OSBPL9: variants seen among roughly 807,000 people sequenced by gnomAD.
OSBPL9 encodes the protein oxysterol-binding protein-related protein 9.
In OSBPL9, 40 loss-of-function variants were observed where a neutral mutation model predicts 106.6. The observed-to-expected ratio is 0.38, with a 90% confidence interval of 0.29 to 0.49. OSBPL9 has a LOEUF of 0.49. OSBPL9 is among the 20% of genes least tolerant of loss of function. The pLI, the probability that OSBPL9 is intolerant of heterozygous loss-of-function variation, is 0.97. For synonymous variants in OSBPL9, 269 were observed against 295.4 expected (o/e 0.91, Z 0.92); for missense variants, 609 against 887.2 (o/e 0.69, Z 3.98).
intron 4 of OSBPL9, among the ~76,000 whole-genome samples, chr1:51,716,786 G>T (rs187053881): frequency 6.6e-6 from 1 of 152,262 alleles, no homozygotes; most frequent in African/African-American, 2.4e-5. Flanking sequence ...AGGGGTATAG[G>T]AGAGGAGACG....
At chr1:51,535,201 G>T in the OSBPL9 span, among the ~76,000 whole-genome samples, 1 of 152,160 alleles carries the variant, frequency 6.6e-6, no homozygotes, top group Non-Finnish European at 1.5e-5. Context: ...TCAAGTGGTG[G>T]TGGCCCAAAT....
intron 1 of OSBPL9, among the ~76,000 whole-genome samples, chr1:51,589,300 G>C (rs1413230764): frequency 6.6e-6 from 1 of 152,050 alleles, no homozygotes; most frequent in Non-Finnish European, 1.5e-5. Context: ...TGTTGCCCAG[G>C]CTGATCTTGA....
At chr1:51,544,182 A>G in the OSBPL9 span, among the ~76,000 whole-genome samples, 1 of 152,140 alleles carries the variant, frequency 6.6e-6, no homozygotes, top group Non-Finnish European at 1.5e-5. Context: ...CTGAGGCTCA[A>G]AGGAGTTTAT....
intron 1 of OSBPL9, among the ~76,000 whole-genome samples, chr1:51,579,486 C>T (rs1020576122): frequency 1.1e-4 from 16 of 152,266 alleles, no homozygotes; most frequent in African/African-American, 3.8e-4. Context: ...CTTTATTCCA[C>T]ATAATCAGAT....
At position 51,711,346 on chromosome 1, in the gene OSBPL9, C is replaced by G. The variant is rs1317556035; in HGVS notation, c.242-2657C>G. ...TGGCCGGGCAGGGGGCTGACCCCCCCACCTCCCTCCCGGACTAGGCGGCTG... is the reference window on the plus strand; with the variant it reads ...TGGCCGGGCAGGGGGCTGACCCCCCGACCTCCCTCCCGGACTAGGCGGCTG... On this transcript the variant is annotated intron_variant, in intron 3 of 23. Coordinates refer to ENST00000428468, the MANE Select transcript of OSBPL9 (RefSeq NM_024586.6). Among the ~76,000 whole-genome samples the G allele has an allele frequency of 7.5e-5, 11 of 146,440 alleles. No homozygotes were observed. In the East Asian group the frequency reaches 2.1e-3, roughly 28 times the overall value.
At chr1:51,648,178 C>G (rs573324233) in intron 1 of OSBPL9, among the ~76,000 whole-genome samples, 1 of 152,296 alleles carries the variant, frequency 6.6e-6, no homozygotes, top group South Asian at 2.1e-4. Context: ...AGGAAGATTG[C>G]TGGCGTTATG....
chr1:51,637,579 G>A (rs1463597312), intron 1 of OSBPL9, among the ~76,000 whole-genome samples: 1 of 152,248 alleles, frequency 6.6e-6, no homozygotes, highest in Non-Finnish European at 1.5e-5. Flanking sequence ...CACTAGCACA[G>A]TGTCTGGCAC....
intron 3 of OSBPL9, among the ~76,000 whole-genome samples, chr1:51,676,148 C>T (rs1453063633): frequency 6.6e-6 from 1 of 152,114 alleles, no homozygotes; most frequent in Non-Finnish European, 1.5e-5. Flanking sequence ...TTATAATTAA[C>T]ATTTATCAGA....
chr1:51,627,985 T>C (rs1644869375), intron 1 of OSBPL9, among the ~76,000 whole-genome samples: 1 of 152,228 alleles, frequency 6.6e-6, no homozygotes, highest in African/African-American at 2.4e-5. Context: ...AAAATTGTTT[T>C]ACTGTTCTTG....
chr1:51,568,715 C>T, the OSBPL9 span, among the ~76,000 whole-genome samples: 1 of 152,028 alleles, frequency 6.6e-6, no homozygotes, highest in East Asian at 1.9e-4. Context: ...TACAGGCTCC[C>T]GCCACCACAC....
chr1:51,630,513 T>C (rs2148651709), intron 1 of OSBPL9, among the ~76,000 whole-genome samples: 1 of 152,244 alleles, frequency 6.6e-6, no homozygotes, highest in South Asian at 2.1e-4. Flanking sequence ...TAAAAATAGG[T>C]ATAAAAGATA....
At chr1:51,758,189 A>G (rs1239265819) in intron 9 of OSBPL9, among the ~76,000 whole-genome samples, 1 of 152,126 alleles carries the variant, frequency 6.6e-6, no homozygotes, top group Non-Finnish European at 1.5e-5. Context: ...AACAAATTTA[A>G]TCATAGATCT....
At chr1:51,626,141 C>T (rs1414759909) in intron 1 of OSBPL9, among the ~76,000 whole-genome samples, 1 of 152,150 alleles carries the variant, frequency 6.6e-6, no homozygotes, top group Non-Finnish European at 1.5e-5. Flanking sequence ...GTCTCTCAAT[C>T]CTCTTCTTTC....
chr1:51,786,308 T>A, intron 21 of OSBPL9: 1 of 481,568 alleles, frequency 2.1e-6, no homozygotes. Context: ...GATACCAAAA[T>A]GAGTTAAGAT....
intron 3 of OSBPL9, among the ~76,000 whole-genome samples, chr1:51,700,693 G>A (rs973779622): frequency 3.9e-5 from 6 of 152,146 alleles, no homozygotes; most frequent in South Asian, 2.1e-4. Context: ...AACTGGTGAT[G>A]TTAACCTTGA....
At chr1:51,650,672 G>A (rs1646460797) in intron 1 of OSBPL9, among the ~76,000 whole-genome samples, 2 of 152,112 alleles carry the variant, frequency 1.3e-5, no homozygotes, top group Admixed American at 1.3e-4. Context: ...TTTCATGTGG[G>A]ATAATCATCT....
chr1:51,556,431 A>G, the OSBPL9 span, among the ~76,000 whole-genome samples: 1 of 152,144 alleles, frequency 6.6e-6, no homozygotes, highest in African/African-American at 2.4e-5. Context: ...CCTTGAACTC[A>G]TGGAGTTAGA....
intron 4 of OSBPL9, among the ~76,000 whole-genome samples, chr1:51,732,382 T>C (rs549054160): frequency 6.6e-6 from 1 of 152,338 alleles, no homozygotes; most frequent in African/African-American, 2.4e-5. Flanking sequence ...AAAAAGACTT[T>C]GTGATTACTG....
chr1:51,759,255 C>T (rs2149058850), intron 9 of OSBPL9, among the ~76,000 whole-genome samples: 1 of 152,030 alleles, frequency 6.6e-6, no homozygotes, highest in Non-Finnish European at 1.5e-5. Context: ...ATCGAAAAGA[C>T]CTTATTTAAT....
Sources: gnomAD v4.1 joint callset for allele counts (sites outside exome capture counted in the v4.1 genomes callset) on GRCh38, gnomAD v4.1.1 for gene constraint, MANE v1.5 for transcripts, NCBI Gene and HGNC (gene_info 2026-07-23, HGNC 2026-07-21) for gene names.